The following RYK variants were observed in gnomAD, a reference collection of about 807,000 sequenced individuals.
RYK encodes inactive tyrosine-protein kinase RYK.
A neutral mutation model predicts 70.2 loss-of-function variants in RYK; 21 were observed. The ratio of observed to expected loss-of-function variants is 0.30; its 90% CI spans 0.21 to 0.43. The LOEUF is 0.43. Ranked by LOEUF, RYK falls within the 20% of genes least tolerant of loss-of-function variation. RYK has a pLI of 1.00. For missense variants in RYK, 604 were observed against 753.3 expected, an observed-to-expected ratio of 0.80 and a Z score of 2.32; for synonymous variants, 267 against 278.0, an observed-to-expected ratio of 0.96 and a Z score of 0.39.
chr3:134,233,446 T>C (rs1470136019), intron 1 of RYK, among the ~76,000 whole-genome samples: 1 of 152,180 alleles, frequency 6.6e-6, no homozygotes, highest in Non-Finnish European at 1.5e-5. Flanking sequence ...TTATACTCTT[T>C]GACCCAATAA....
chr3:134,205,620 A>C (rs915852742), intron 5 of RYK, among the ~76,000 whole-genome samples: 3 of 152,130 alleles, frequency 2.0e-5, no homozygotes, highest in Non-Finnish European at 4.4e-5. Flanking sequence ...AATTACCTCC[A>C]AATTCCAGGC....
chr3:134,184,368 T>A (rs2013395191), intron 9 of RYK, among the ~76,000 whole-genome samples: 1 of 152,140 alleles, frequency 6.6e-6, no homozygotes, highest in Non-Finnish European at 1.5e-5. Context: ...CCTTCAAATA[T>A]TTGCACAAAT....
intron 1 of RYK, among the ~76,000 whole-genome samples, chr3:134,244,389 C>G (rs563080394): frequency 5.9e-5 from 9 of 152,082 alleles, no homozygotes; most frequent in African/African-American, 2.2e-4. Flanking sequence ...AGGAGGCTTG[C>G]GGTTCTACTC....
At chr3:134,245,124 A>G (rs140474353) in intron 1 of RYK, among the ~76,000 whole-genome samples, 61 of 152,342 alleles carry the variant, frequency 4.0e-4, no homozygotes, top group African/African-American at 1.4e-3. Flanking sequence ...ACACTCATCT[A>G]TAAAATGGAA....
At chr3:134,172,731 T>A (rs1039570942) in intron 13 of RYK, among the ~76,000 whole-genome samples, 1 of 152,348 alleles carries the variant, frequency 6.6e-6, no homozygotes, top group Admixed American at 6.5e-5. Flanking sequence ...ACTTGGTATG[T>A]TTAACTTCTA....
At chr3:134,226,292 G>A (rs1171578729) in intron 1 of RYK, among the ~76,000 whole-genome samples, 1 of 152,004 alleles carries the variant, frequency 6.6e-6, no homozygotes, top group Non-Finnish European at 1.5e-5. Context: ...CAAATTAGAT[G>A]AAACAGAAGC....
rs561002633 is a variant in RYK, at chr3:134,210,489, C to G, written c.455-660G>C. On this transcript the variant is annotated intron_variant, in intron 3 of 14. Coordinates refer to ENST00000623711, the MANE Select transcript of RYK (RefSeq NM_002958.4). The stretch of plus-strand genomic sequence containing the variant: ...GACTGCATTAAAGATATGGGCATTT[C>G]TAAATTCCTTTACTGCCCATAAAAA... Among the ~76,000 whole-genome samples the G allele has an allele frequency of 5.3e-5, 8 of 152,314 alleles. No homozygotes were observed. The South Asian group carries it at 1.7e-3, about 32-fold the overall frequency.
chr3:134,196,355 A>C (rs1347310593), intron 6 of RYK, among the ~76,000 whole-genome samples: 1 of 152,190 alleles, frequency 6.6e-6, no homozygotes, highest in African/African-American at 2.4e-5. Context: ...AGCAGTGCCC[A>C]ATCAAGTCTC....
At chr3:134,240,715 G>C (rs1006432969) in intron 1 of RYK, among the ~76,000 whole-genome samples, 2 of 152,092 alleles carry the variant, frequency 1.3e-5, no homozygotes, top group African/African-American at 4.8e-5. Context: ...GTCCCTCAAA[G>C]GCCCCAAAAG....
chr3:134,183,193 CA>C, intron 9 of RYK, 122 bp from the exon 10 acceptor site: 2 of 475,890 alleles, frequency 4.2e-6, no homozygotes, highest in Non-Finnish European at 7.1e-6. Flanking sequence ...TTATAAGTTA[CA>C]GGTAAATCTA....
intron 5 of RYK, among the ~76,000 whole-genome samples, chr3:134,206,720 T>C (rs531931170): frequency 1.3e-5 from 2 of 152,264 alleles, no homozygotes; most frequent in East Asian, 3.9e-4. Flanking sequence ...GGGATGTGCC[T>C]GAAAATACTC....
At chr3:134,202,138 G>A (rs2014047067) in intron 6 of RYK, among the ~76,000 whole-genome samples, 1 of 152,110 alleles carries the variant, frequency 6.6e-6, no homozygotes, top group Non-Finnish European at 1.5e-5. Context: ...ACTTAGCATA[G>A]TATCTAACCC....
chr3:134,173,544 G>A (rs2012996599), intron 13 of RYK, among the ~76,000 whole-genome samples: 1 of 152,158 alleles, frequency 6.6e-6, no homozygotes, highest in African/African-American at 2.4e-5. Context: ...TCACAGGGTG[G>A]CAGGATGGAG....
At chr3:134,248,683 C>G (rs147688267) in intron 1 of RYK, among the ~76,000 whole-genome samples, 1 of 151,532 alleles carries the variant, frequency 6.6e-6, no homozygotes, top group African/African-American at 2.4e-5. Context: ...CAGAAGTGGT[C>G]GCTACTTGGG....
At chr3:134,248,371 C>T (rs181448627) in intron 1 of RYK, among the ~76,000 whole-genome samples, 54 of 152,262 alleles carry the variant, frequency 3.5e-4, no homozygotes, top group Non-Finnish European at 7.2e-4. Flanking sequence ...TAGTTCCAGG[C>T]CAACCTTTGA....
intron 11 of RYK, among the ~76,000 whole-genome samples, chr3:134,177,414 A>G (rs2013143473): frequency 6.6e-6 from 1 of 152,204 alleles, no homozygotes; most frequent in African/African-American, 2.4e-5. Flanking sequence ...TACTACCACT[A>G]CCATCATAAT....
intron 6 of RYK, 137 bp from the exon 7 acceptor site, chr3:134,195,319 C>T (rs2013779018): frequency 4.8e-6 from 3 of 621,254 alleles, no homozygotes; most frequent in Admixed American, 3.1e-5. Flanking sequence ...TCATGATGTT[C>T]CAATACTGAT....
At chr3:134,185,115 C>A (rs1451140479) in intron 9 of RYK, among the ~76,000 whole-genome samples, 7 of 150,310 alleles carry the variant, frequency 4.7e-5, no homozygotes, top group African/African-American at 7.3e-5. Context: ...GCCTGGGTGA[C>A]AGAGTGAGAC....
In RYK at chr3:134,211,620, CAAAAAT is replaced by C. The variant is rs1163874474; in HGVS notation, c.355-19_355-14del. ...GCTTATATTCAACCTGTAAAATAGA[CAAAAAT>C]AAACAAAATGGACCTGTGATAACAA... On this transcript the variant is annotated splice_polypyrimidine_tract_variant and intron_variant, in intron 2 of 14. Transcript: ENST00000623711. 1 of 1,560,756 alleles carries C rather than the reference CAAAAAT, an allele frequency of 6.4e-7. No homozygotes were observed.
Sources: gnomAD v4.1 joint callset for allele counts (sites outside exome capture counted in the v4.1 genomes callset) on GRCh38, gnomAD v4.1.1 for gene constraint, MANE v1.5 for transcripts, NCBI Gene and HGNC (gene_info 2026-07-23, HGNC 2026-07-21) for gene names.